Variants in ANKRD46 observed in about 807,000 individuals in gnomAD.
ANKRD46 encodes the protein ankyrin repeat domain-containing protein 46.
ANKRD46 carries 13 observed loss-of-function variants against 19.8 expected under a neutral mutation model. That is an observed-to-expected ratio of 0.66 (90% CI 0.43 to 1.04). The LOEUF is 1.04. Ranked by LOEUF, ANKRD46 falls within the 50% of genes least tolerant of loss-of-function variation. ANKRD46 has a pLI of 0.00. For synonymous variants in ANKRD46, 91 were observed against 106.9 expected, an observed-to-expected ratio of 0.85 and a Z score of 0.92; for missense variants, 185 against 274.8, an observed-to-expected ratio of 0.67 and a Z score of 2.31.
chr8:100,524,841 G>A lies in ANKRD46; in HGVS notation c.471-2070C>T, dbSNP rs542184043. 1.3e-5 allele frequency among the ~76,000 whole-genome samples: 2 copies of A among 152,274 alleles called. No individual in the cohort carries two copies. Among genetic ancestry groups the A allele is most frequent in the South Asian group, 4.1e-4 (2 of 4,824 alleles). On this transcript the variant is annotated intron_variant, in intron 4 of 4. Coordinates refer to ENST00000335659, the MANE Select transcript of ANKRD46 (RefSeq NM_001270377.2). The surrounding 1 kb of genome is among the most constrained non-coding windows in gnomAD (Gnocchi z 4.3). ...CTATAAAGACTTTATCCAATGAAAT[G>A]CTTTCTACTGTCCAGGGAATATCTG...
chr8:100,546,019 T>C lies in ANKRD46; in HGVS notation c.-130-12708A>G, dbSNP rs1051564764. On this transcript the variant is annotated intron_variant, in intron 1 of 4. Transcript: ENST00000335659. The surrounding 1 kb of genome is among the most constrained non-coding windows in gnomAD (Gnocchi z 4.0). ...CTTGATTTTTCTCAAAGTGAACAAA[T>C]GTGTTCACGAAGAGATAATCTGCAA... Among the ~76,000 whole-genome samples the C allele has an allele frequency of 6.6e-6, 1 of 152,200 alleles. No homozygotes were observed. The highest frequency in any genetic ancestry group is 2.4e-5 in the African/African-American group (1 of 41,452).
chr8:100,527,905 T>C lies in ANKRD46; in HGVS notation c.410A>G (p.Lys137Arg). ...CGAGTGGGTTCCTCTGTTAAATCCTTTCACCTCCTGTTCTTCCAAAGATTC... is the reference window on the plus strand; with the variant it reads ...CGAGTGGGTTCCTCTGTTAAATCCTCTCACCTCCTGTTCTTCCAAAGATTC... ...LLESLEEQEV[K>R]GFNRGTHSKL... Residue 137 changes from lysine (K) to arginine (R), a missense_variant, in exon 4 of 5, where the codon AAA becomes AGA. Coordinates refer to ENST00000335659, the MANE Select transcript of ANKRD46 (RefSeq NM_001270377.2). This position sits in a 1 kb window ranked among gnomAD's most constrained non-coding sequence, Gnocchi z 4.0. 6.2e-7 allele frequency: 1 copy of C among 1,613,922 alleles called. No homozygotes were observed. Among genetic ancestry groups the C allele is most frequent in the Non-Finnish European group, 8.5e-7 (1 of 1,179,958 alleles).
rs182366827 is a variant in ANKRD46, at chr8:100,548,764, A to G, written c.-131+10947T>C. Among the ~76,000 whole-genome samples the G allele has an allele frequency of 6.8e-3, 1,035 of 152,360 alleles. 4 individuals carry two copies. The highest frequency in any genetic ancestry group is 0.011 in the Non-Finnish European group (739 of 68,040). Reference sequence around the variant, plus strand: ...GAAGGCATTCACTGAAGGTGGACAAAAAATATAACTAAACTAAAAATGTAT... The same window carrying G: ...GAAGGCATTCACTGAAGGTGGACAAGAAATATAACTAAACTAAAAATGTAT... On this transcript the variant is annotated intron_variant, in intron 1 of 4. Transcript: ENST00000335659.
chr8:100,524,074 T>C lies in ANKRD46; in HGVS notation c.471-1303A>G, dbSNP rs138723398. On this transcript the variant is annotated intron_variant, in intron 4 of 4. Transcript: ENST00000335659. This position sits in a 1 kb window ranked among gnomAD's most constrained non-coding sequence, Gnocchi z 4.3. ...TGAAAATAAGGTAGTGCAAATACCA[T>C]AAAAACACTGATTCTGGTTTTCAGA... is the stretch of plus-strand genomic sequence containing the variant. Among the ~76,000 whole-genome samples the C allele has an allele frequency of 4.3e-3, 653 of 152,348 alleles. 2 individuals carry two copies. Among genetic ancestry groups the C allele is most frequent in the African/African-American group, 0.014 (600 of 41,576 alleles).
chr8:100,538,283 A>G (rs1443074211), intron 1 of ANKRD46, among the ~76,000 whole-genome samples: 2 of 152,242 alleles, frequency 1.3e-5, no homozygotes, highest in Admixed American at 1.3e-4. Flanking sequence ...CCATGAATCA[A>G]ATTAATGATT....
chr8:100,531,740 T>C (rs757559797), intron 2 of ANKRD46, among the ~76,000 whole-genome samples: 13 of 151,928 alleles, frequency 8.6e-5, no homozygotes, highest in Admixed American at 2.0e-4. Flanking sequence ...AACTCCTGGG[T>C]TCAAGCAATC....
intron 5 of ANKRD46, among the ~76,000 whole-genome samples, chr8:100,512,146 T>C (rs1184512883): frequency 6.6e-6 from 1 of 150,820 alleles, no homozygotes. Flanking sequence ...ATGAGCCTGT[T>C]TATTTAACAG....
At chr8:100,535,292 T>C (rs563873025) in intron 1 of ANKRD46, among the ~76,000 whole-genome samples, 13 of 152,328 alleles carry the variant, frequency 8.5e-5, no homozygotes, top group Admixed American at 2.0e-4. Context: ...TATTTAACGA[T>C]TGTCCAATGG....
At position 100,521,526 on chromosome 8, in the gene ANKRD46, G is replaced by A. The variant is rs1435383833; in HGVS notation, c.*1029C>T. ...ATAAAGAGTTTATGACACCCAGTACGATACTGTCCAGCACTGTTAACTCAG... is the reference window on the plus strand; with the variant it reads ...ATAAAGAGTTTATGACACCCAGTACAATACTGTCCAGCACTGTTAACTCAG... On this transcript the variant is annotated 3_prime_UTR_variant, in exon 5 of 5. Coordinates refer to ENST00000335659, the MANE Select transcript of ANKRD46 (RefSeq NM_001270377.2). The A allele has an allele frequency of 6.1e-6, 6 of 985,250 alleles. No homozygotes were observed. In the Admixed American group the frequency reaches 1.8e-4, roughly 30 times the overall value. The allele number at this position is 985,250 out of a possible 1,614,324, so 61.0% of individuals were successfully genotyped here.
At chr8:100,542,221 T>G (rs1812188038) in intron 1 of ANKRD46, among the ~76,000 whole-genome samples, 1 of 152,196 alleles carries the variant, frequency 6.6e-6, no homozygotes, top group East Asian at 1.9e-4. Context: ...ATTTATGGCC[T>G]AGGTAAAACC....
At chr8:100,522,808 A>G in intron 4 of ANKRD46, 37 bp from the exon 5 acceptor site, 1 of 1,590,448 alleles carries the variant, frequency 6.3e-7, no homozygotes, top group Non-Finnish European at 8.6e-7. Flanking sequence ...GCATTAAAAA[A>G]ACACAGCAAT....
At chr8:100,509,865 A>G (rs1285901455) in exon 6 of ANKRD46, 1 of 152,282 alleles carries the variant, frequency 6.6e-6, no homozygotes, top group Non-Finnish European at 1.5e-5. Flanking sequence ...TAGGATGAGA[A>G]CCAGGGAAAA....
In ANKRD46 at chr8:100,539,839, C is replaced by T. The variant is rs4734461; in HGVS notation, c.-130-6528G>A. 8.0e-3 allele frequency among the ~76,000 whole-genome samples: 1,220 copies of T among 152,108 alleles called. 72 individuals are homozygous for T. The highest frequency in any genetic ancestry group is 0.073 in the Admixed American group (1,114 of 15,292). ...CAAGGTGGGAGGATTGCTTGAGCCC[C>T]GGAGTTCGAGACTAGCCTGGGCAAC... On this transcript the variant is annotated intron_variant, in intron 1 of 4. Transcript: ENST00000335659.
rs1489750349 is a variant in ANKRD46, at chr8:100,529,100, C to G, written c.311+423G>C. ...ATAAGCTGTGACCTTTTCAAATCCT[C>G]TATAAACTGTGTGAACTTTGTCCAA... On this transcript the variant is annotated intron_variant, in intron 3 of 4. Coordinates refer to ENST00000335659, the MANE Select transcript of ANKRD46 (RefSeq NM_001270377.2). This position sits in a 1 kb window ranked among gnomAD's most constrained non-coding sequence, Gnocchi z 5.8. 6.6e-6 allele frequency among the ~76,000 whole-genome samples: 1 copy of G among 152,192 alleles called. No individual in the cohort carries two copies. The highest frequency in any genetic ancestry group is 2.4e-5 in the African/African-American group (1 of 41,448).
intron 1 of ANKRD46, among the ~76,000 whole-genome samples, chr8:100,558,294 C>T (rs1563495678): frequency 6.6e-6 from 1 of 152,148 alleles, no homozygotes. Context: ...CTCTCCAGTG[C>T]CTTTCCTGTA....
rs1403918978 is a variant in ANKRD46 at position 100,545,591 on chromosome 8, A to G, written c.-130-12280T>C. On this transcript the variant is annotated intron_variant, in intron 1 of 4. Coordinates refer to ENST00000335659, the MANE Select transcript of ANKRD46 (RefSeq NM_001270377.2). This position sits in a 1 kb window ranked among gnomAD's most constrained non-coding sequence, Gnocchi z 4.7. Reference sequence around the variant, plus strand: ...AGTAGTAACTTTATAGCAGTGTGAAAACAGACTAATACAGAGAATTAGTAC... The same window carrying G: ...AGTAGTAACTTTATAGCAGTGTGAAGACAGACTAATACAGAGAATTAGTAC... 6.6e-6 allele frequency among the ~76,000 whole-genome samples: 1 copy of G among 152,200 alleles called. No homozygotes were observed. Among genetic ancestry groups the G allele is most frequent in the African/African-American group, 2.4e-5 (1 of 41,448 alleles).
At chr8:100,518,491 A>G (rs1586776473), downstream of ANKRD46, among the ~76,000 whole-genome samples, 2 of 152,214 alleles carry the variant, frequency 1.3e-5, no homozygotes, top group South Asian at 4.1e-4. Flanking sequence ...AGTTTTGAAC[A>G]AAATGAAGTC....
chr8:100,542,726 G>A (rs7002802), intron 1 of ANKRD46, among the ~76,000 whole-genome samples: 2,972 of 152,172 alleles, frequency 0.02, 101 homozygotes, highest in African/African-American at 0.068. Flanking sequence ...CCTAGTTCAT[G>A]AGGATAGAAA....
downstream of ANKRD46, among the ~76,000 whole-genome samples, chr8:100,518,523 G>A (rs1563923830): frequency 6.6e-6 from 1 of 152,056 alleles, no homozygotes; most frequent in Admixed American, 6.5e-5. Flanking sequence ...TAATTATCTC[G>A]TGGTTGTATT....
Sources: gnomAD v4.1 joint callset for allele counts (sites outside exome capture counted in the v4.1 genomes callset) on GRCh38, gnomAD v4.1.1 for gene constraint, Gnocchi (gnomAD v3.1) non-coding constraint, MANE v1.5 for transcripts, NCBI Gene and HGNC (gene_info 2026-07-23, HGNC 2026-07-21) for gene names.